The following HTR4 variants were observed in gnomAD, a reference collection of about 807,000 sequenced individuals.
The protein encoded by HTR4 is 5-hydroxytryptamine receptor 4.
A neutral mutation model predicts 36.8 loss-of-function variants in HTR4; 16 were observed. The ratio of observed to expected loss-of-function variants is 0.43; its 90% confidence interval spans 0.29 to 0.66. HTR4 has a LOEUF of 0.66. Ranked by LOEUF, HTR4 falls within the 30% of genes least tolerant of loss-of-function variation. HTR4 has a pLI of 0.13. For synonymous variants in HTR4, 189 were observed against 185.1 expected (o/e 1.02, Z -0.17); for missense variants, 438 against 490.9 (o/e 0.89, Z 1.02).
chr5:148,597,259 G>A (rs762866751), intron 2 of HTR4, among the ~76,000 whole-genome samples: 8 of 152,242 alleles, frequency 5.3e-5, no homozygotes, highest in East Asian at 1.9e-4. Flanking sequence ...TGTATAGGAT[G>A]CATGTCATAT....
At chr5:148,653,420 G>A (rs1424998129) in intron 1 of HTR4, among the ~76,000 whole-genome samples, 1 of 152,164 alleles carries the variant, frequency 6.6e-6, no homozygotes, top group Non-Finnish European at 1.5e-5. Flanking sequence ...GCACAGGGTA[G>A]CAAGCTGTGA....
intron 5 of HTR4, among the ~76,000 whole-genome samples, chr5:148,453,521 C>A (rs891543763): frequency 9.2e-5 from 14 of 152,138 alleles, no homozygotes; most frequent in Non-Finnish European, 1.8e-4. Context: ...ATGTGCCTAT[C>A]TGGGAAAATA....
chr5:148,475,454 A>G (rs1407577902), downstream of HTR4, among the ~76,000 whole-genome samples: 1 of 152,182 alleles, frequency 6.6e-6, no homozygotes, highest in African/African-American at 2.4e-5. Flanking sequence ...TGGGAGACAC[A>G]TTAATTGGAG....
intron 2 of HTR4, among the ~76,000 whole-genome samples, chr5:148,613,816 A>C (rs867610667): frequency 1.3e-5 from 2 of 151,812 alleles, no homozygotes; most frequent in Middle Eastern, 3.4e-3. Context: ...TTAAGCTGAT[A>C]AGCAACTTCA....
intron 2 of HTR4, among the ~76,000 whole-genome samples, chr5:148,613,252 C>A (rs1368114658): frequency 6.9e-6 from 1 of 144,496 alleles, no homozygotes; most frequent in East Asian, 2.1e-4. Context: ...GACCAATATC[C>A]TTGATGAACA....
At chr5:148,470,741 T>G (rs1218306599) in intron 5 of HTR4, among the ~76,000 whole-genome samples, 2 of 152,132 alleles carry the variant, frequency 1.3e-5, no homozygotes, top group Non-Finnish European at 2.9e-5. Flanking sequence ...CAGGCTAGAG[T>G]GCAGTGGCAA....
intron 6 of HTR4, chr5:148,490,481 G>T: frequency 1.5e-6 from 1 of 666,210 alleles, no homozygotes; most frequent in Non-Finnish European, 1.9e-6. Flanking sequence ...ATGTTACACT[G>T]GCTGAAATAG....
intron 2 of HTR4, among the ~76,000 whole-genome samples, chr5:148,581,996 C>A (rs1761154351): frequency 6.6e-6 from 1 of 151,980 alleles, no homozygotes; most frequent in African/African-American, 2.4e-5. Context: ...TATCTAATTT[C>A]TTTCATCAGT....
At chr5:148,515,556 G>A (rs1368385) in intron 5 of HTR4, among the ~76,000 whole-genome samples, 1 of 151,924 alleles carries the variant, frequency 6.6e-6, no homozygotes, top group Non-Finnish European at 1.5e-5. Context: ...GCCTGAAAAC[G>A]TCTTAATATC....
intron 2 of HTR4, among the ~76,000 whole-genome samples, chr5:148,559,677 C>T (rs57219440): frequency 0.24 from 36,626 of 152,012 alleles, 5,372 homozygotes; most frequent in Non-Finnish European, 0.33. Context: ...ACGATCAGGA[C>T]TTGTTCAATG....
rs138312613 is a variant in HTR4, at chr5:148,537,922, AAAC to A, written c.353+10743_353+10745del. Among the ~76,000 whole-genome samples the A allele has an allele frequency of 7.3e-4, 111 of 152,264 alleles. 1 individual carries two copies. The East Asian group carries it at 0.018, about 25-fold the overall frequency. On this transcript the variant is annotated intron_variant, in intron 4 of 6. Coordinates refer to ENST00000377888, the MANE Select transcript of HTR4 (RefSeq NM_000870.7). The stretch of plus-strand genomic sequence containing the variant: ...GTCTTGATACCAACACCTGGCAGAG[AAAC>A]AACAACAAGAAGTCAGGCCAGTATC...
chr5:148,580,288 T>A (rs1054609416), intron 2 of HTR4, among the ~76,000 whole-genome samples: 1 of 152,070 alleles, frequency 6.6e-6, no homozygotes, highest in Non-Finnish European at 1.5e-5. Flanking sequence ...ACAACTGATA[T>A]GCAAAATCTC....
intron 2 of HTR4, among the ~76,000 whole-genome samples, chr5:148,554,042 T>C (rs1759817929): frequency 6.6e-6 from 1 of 152,236 alleles, no homozygotes; most frequent in South Asian, 2.1e-4. Flanking sequence ...AAATTTTATT[T>C]CTCTATAAAA....
At chr5:148,486,096 C>A (rs1044960958) in intron 6 of HTR4, among the ~76,000 whole-genome samples, 2 of 152,184 alleles carry the variant, frequency 1.3e-5, no homozygotes, top group African/African-American at 2.4e-5. Context: ...AATGGCCCAG[C>A]ATCTAACTCC....
chr5:148,603,682 A>G (rs1303349286), intron 2 of HTR4, among the ~76,000 whole-genome samples: 1 of 152,122 alleles, frequency 6.6e-6, no homozygotes, highest in Non-Finnish European at 1.5e-5. Flanking sequence ...AAAATATACT[A>G]GATACAAGGT....
intron 5 of HTR4, chr5:148,465,767 TA>T: frequency 6.5e-7 from 1 of 1,534,538 alleles, no homozygotes; most frequent in Non-Finnish European, 8.7e-7. Flanking sequence ...GACAGAAGTA[TA>T]AACAGACACT....
chr5:148,641,063 G>T (rs1017242950), intron 1 of HTR4, among the ~76,000 whole-genome samples: 11 of 152,244 alleles, frequency 7.2e-5, no homozygotes, highest in African/African-American at 2.6e-4. Flanking sequence ...TTTTCTGCAG[G>T]ACTCACCAGG....
chr5:148,650,454 G>C (rs1754000678), intron 1 of HTR4, among the ~76,000 whole-genome samples: 1 of 152,152 alleles, frequency 6.6e-6, no homozygotes, highest in Non-Finnish European at 1.5e-5. Context: ...CATTTACATT[G>C]TATTTCCCTC....
intron 5 of HTR4, chr5:148,521,098 G>C: frequency 8.5e-7 from 1 of 1,170,112 alleles, no homozygotes; most frequent in Non-Finnish European, 1.1e-6. Context: ...TGTATCCGGG[G>C]ACCACTTCTA....
Sources: allele counts gnomAD v4.1 joint callset (sites outside exome capture counted in the v4.1 genomes callset), GRCh38; gene constraint gnomAD v4.1.1; transcripts MANE v1.5; gene names NCBI Gene and HGNC (gene_info 2026-07-23, HGNC 2026-07-21).